MARS1: variants seen among roughly 807,000 people sequenced by gnomAD.
MARS1 encodes the protein methionine--tRNA ligase, cytoplasmic.
Under a neutral mutation model 119.5 loss-of-function variants are expected in MARS1, and 80 were observed. That is an observed-to-expected ratio of 0.67 (90% CI 0.56 to 0.81). MARS1 has a LOEUF of 0.81. Among genes scored for constraint, MARS1 ranks in the 30% least tolerant of loss-of-function variants. MARS1 has a pLI of 0.00. For missense variants in MARS1, 945 were observed against 1,116.5 expected (o/e 0.85, Z 2.19); for synonymous variants, 418 against 433.4 (o/e 0.96, Z 0.44).
rs779123068 is a variant in MARS1 at position 57,511,777 on chromosome 12, G to A, written c.1448G>A (p.Arg483His). The change falls in exon 12 of 21, where the codon CGT (arginine) becomes CAT (histidine). Residue 483 changes from arginine (R) to histidine (H), a missense_variant. Arg to His is a conservative substitution (Grantham distance 29). Coordinates refer to ENST00000262027, the MANE Select transcript of MARS1 (RefSeq NM_004990.4). ...DWTPNAQFIT[R>H]SWLRDGLKPR... ...ACACCCAATGCCCAGTTTATCACCC[G>A]TTCTTGGCTTCGGGATGGCCTCAAG... The A allele has an allele frequency of 1.2e-5, 20 of 1,614,056 alleles. No homozygotes were observed. Among genetic ancestry groups the A allele is most frequent in the African/African-American group, 9.3e-5 (7 of 74,918 alleles).
chr12:57,490,022 C>T (rs1324414024), intron 5 of MARS1, 51 bp downstream of exon 5: 1 of 1,533,132 alleles, frequency 6.5e-7, no homozygotes, highest in Non-Finnish European at 9.0e-7. Context: ...GTAGGGGTTA[C>T]AGAATGGGCA....
In MARS1 at chr12:57,497,527, T is replaced by C. The variant is rs140034430; in HGVS notation, c.771-630T>C. 7.9e-5 allele frequency among the ~76,000 whole-genome samples: 12 copies of C among 152,188 alleles called. No homozygotes were observed. In the East Asian group the frequency reaches 1.5e-3, roughly 20 times the overall value. ...TGAAACTTGAAAAGGAATACTGCAT[T>C]GAGTGCCTTCAGACAGCAGGTTGAA... On this transcript the variant is annotated intron_variant, in intron 7 of 20. Transcript: ENST00000262027.
At chr12:57,494,206 T>C (rs1176899084) in intron 7 of MARS1, among the ~76,000 whole-genome samples, 2 of 151,248 alleles carry the variant, frequency 1.3e-5, no homozygotes, top group Non-Finnish European at 2.9e-5. Flanking sequence ...TCCACCTGCC[T>C]CGGCCTCCCA....
At chr12:57,515,377 G>A (rs1427272076) in intron 18 of MARS1, 41 bp downstream of exon 18, 1 of 1,590,212 alleles carries the variant, frequency 6.3e-7, no homozygotes, top group East Asian at 2.2e-5. Flanking sequence ...TGATACTCTT[G>A]CCATGCAGCT....
At chr12:57,502,421 T>C (rs1333091918) in intron 10 of MARS1, among the ~76,000 whole-genome samples, 1 of 151,962 alleles carries the variant, frequency 6.6e-6, no homozygotes, top group African/African-American at 2.4e-5. Flanking sequence ...CAAAACTCAC[T>C]TGGGGCCAGG....
intron 10 of MARS1, among the ~76,000 whole-genome samples, chr12:57,502,482 G>A (rs1440512013): frequency 1.3e-5 from 2 of 151,296 alleles, no homozygotes; most frequent in African/African-American, 2.4e-5. Context: ...TGAGGCGGCC[G>A]GATCACCTGA....
At chr12:57,507,863 A>G (rs1237646662) in intron 11 of MARS1, among the ~76,000 whole-genome samples, 1 of 147,850 alleles carries the variant, frequency 6.8e-6, no homozygotes, top group Non-Finnish European at 1.5e-5. Flanking sequence ...CACTTCCCAG[A>G]CGGGGTAGCT....
rs746237960 is a variant in MARS1, at chr12:57,489,474, G to T, written c.330G>T (p.Gly110=). ...LYYLVVQGKK[G]EDVLGSVRRA... ...ATTTAGTGGTCCAAGGCAAGAAGGG[G>T]GAAGATGTTCTTGGTTCAGTGCGGA... is the stretch of plus-strand genomic sequence containing the variant. Residue 110 remains glycine (G), a synonymous_variant, in exon 4 of 21, where the codon GGG becomes GGT. Coordinates refer to ENST00000262027, the MANE Select transcript of MARS1 (RefSeq NM_004990.4). 5 of 1,614,046 alleles carry T rather than the reference G, an allele frequency of 3.1e-6. No homozygotes were observed. Among genetic ancestry groups the T allele is most frequent in the East Asian group, 4.5e-5 (2 of 44,896 alleles).
chr12:57,513,899 C>T (rs1443040273), intron 15 of MARS1, among the ~76,000 whole-genome samples: 1 of 148,784 alleles, frequency 6.7e-6, no homozygotes, highest in African/African-American at 2.5e-5. Context: ...CCCGTCTCCA[C>T]TAAAAATACA....
chr12:57,514,776 C>A lies in MARS1; in HGVS notation c.2024C>A (p.Thr675Asn). ...FGGYVPEMVL[T>N]PDDQRLLAHV... ...GGCTATGTGCCTGAGATGGTGCTCA[C>A]CCCTGATGATCAGCGCCTGCTGGCC... The change falls in exon 16 of 21, where the codon ACC (threonine) becomes AAC (asparagine). Residue 675 changes from threonine (T) to asparagine (N), a missense_variant. By Grantham distance (65) the Thr-to-Asn change is moderately conservative. Transcript: ENST00000262027. 1 of 1,614,210 alleles carries A rather than the reference C, an allele frequency of 6.2e-7. No individual in the cohort carries two copies. The highest frequency in any genetic ancestry group is 1.3e-5 in the African/African-American group (1 of 75,052).
rs376636502 is a variant in MARS1, at chr12:57,515,068, C to T, written c.2204+10C>T. 1.2e-4 allele frequency: 187 copies of T among 1,614,022 alleles called. No individual in the cohort carries two copies. The African/African-American group carries it at 1.6e-3, about 14-fold the overall frequency. ...GCAGTGAGGCTGACAGGTAGGTAAG[C>T]GGGGAGGGTTGGCTAAAGGCATAAA... is the stretch of plus-strand genomic sequence containing the variant. On this transcript the variant is annotated intron_variant, in intron 17 of 20. Coordinates refer to ENST00000262027, the MANE Select transcript of MARS1 (RefSeq NM_004990.4).
Position 57,493,447 on chromosome 12 carries a change from ATATAATATATTATAAT to A in MARS1, c.770+2804_770+2819del, listed in dbSNP as rs1876153328. On this transcript the variant is annotated intron_variant, in intron 7 of 20. Transcript: ENST00000262027. Reference sequence around the variant, plus strand: ...TGATATGTATAATATATTACATAATATATAATATATTATAATATATAATATATAATATATAATATAT... The same window carrying A: ...TGATATGTATAATATATTACATAATAATATAATATATAATATATAATATAT... Among the ~76,000 whole-genome samples, 5 of 2,548 alleles carry A rather than the reference ATATAATATATTATAAT, an allele frequency of 2.0e-3. 1 individual carries two copies. The highest frequency in any genetic ancestry group is 0.015 in the Admixed American group (1 of 68). 1.7% of individuals were successfully genotyped at this position (2,548 alleles called of 152,430 possible). A position where few individuals can be genotyped will look rare whatever the true frequency, so the allele number is the denominator to read the frequency against.
At chr12:57,504,321 C>T (rs774887777) in intron 11 of MARS1, 22 bp downstream of exon 11, 1 of 1,610,446 alleles carries the variant, frequency 6.2e-7, no homozygotes, top group South Asian at 1.1e-5. Flanking sequence ...TTTCTCTCAA[C>T]CTAGTTTTCA....
intron 11 of MARS1, among the ~76,000 whole-genome samples, chr12:57,507,885 G>T (rs1877294008): frequency 6.7e-6 from 1 of 149,346 alleles, no homozygotes; most frequent in Non-Finnish European, 1.5e-5. Context: ...CCGGGCGGAG[G>T]GGCTCCTCAC....
Position 57,512,791 on chromosome 12 carries a change from C to T in MARS1, c.1794C>T (p.Arg598=), listed in dbSNP as rs758046761. 14 of 1,614,172 alleles carry T rather than the reference C, an allele frequency of 8.7e-6. No homozygotes were observed. Among genetic ancestry groups the T allele is most frequent in the Admixed American group, 3.3e-5 (2 of 60,016 alleles). ...AGGATGGGAAATTCTCTAAGAGCCG[C>T]GGTGTGGGAGTGTTTGGGGACATGG... ...NYEDGKFSKS[R]GVGVFGDMAQ... Residue 598 remains arginine (R), a synonymous_variant, in exon 15 of 21, where the codon CGC becomes CGT. Coordinates refer to ENST00000262027, the MANE Select transcript of MARS1 (RefSeq NM_004990.4).
rs550918957 is a variant in MARS1, at chr12:57,489,887, C to T, written c.415-9C>T. The stretch of plus-strand genomic sequence containing the variant: ...TTGTGTACATTTTCCTTTTCTATCC[C>T]CAACAAAGGAGACAGAATCTCTAGC... On this transcript the variant is annotated splice_polypyrimidine_tract_variant and intron_variant, in intron 4 of 20. Coordinates refer to ENST00000262027, the MANE Select transcript of MARS1 (RefSeq NM_004990.4). The T allele has an allele frequency of 9.3e-6, 15 of 1,613,164 alleles. 1 individual carries two copies. In the South Asian group the frequency reaches 1.3e-4, roughly 14 times the overall value.
At chr12:57,491,148 C>A (rs1875932880) in intron 7 of MARS1, among the ~76,000 whole-genome samples, 1 of 152,108 alleles carries the variant, frequency 6.6e-6, no homozygotes. Context: ...GCTGGGATTA[C>A]AGACATGAGC....
intron 10 of MARS1, 124 bp downstream of exon 10, chr12:57,500,646 C>A: frequency 2.4e-6 from 2 of 842,982 alleles, no homozygotes; most frequent in Non-Finnish European, 3.7e-6. Flanking sequence ...GCCCTTTCTG[C>A]CCCATCTCAG....
At chr12:57,493,439 T>G (rs184068358) in intron 7 of MARS1, among the ~76,000 whole-genome samples, 1 of 1,002 alleles carries the variant, frequency 1.0e-3, no homozygotes. Context: ...TATAATATAT[T>G]ACATAATATA....
Sources: allele counts gnomAD v4.1 joint callset (sites outside exome capture counted in the v4.1 genomes callset), GRCh38; gene constraint gnomAD v4.1.1; transcripts MANE v1.5; gene names NCBI Gene and HGNC (gene_info 2026-07-23, HGNC 2026-07-21).